The following GPC5 variants were observed in gnomAD, a reference collection of about 807,000 sequenced individuals.
GPC5 encodes the protein glypican-5.
In GPC5, 47 loss-of-function variants were observed where a neutral mutation model predicts 53.9. That is an observed-to-expected ratio of 0.87 (90% confidence interval 0.69 to 1.11). GPC5 has a LOEUF of 1.11. Ranked by LOEUF, GPC5 falls within the 50% of genes most tolerant of loss-of-function variation. The probability of loss-of-function intolerance (pLI) is 0.00; values close to 1 mark genes in which losing one functional copy is unlikely to be tolerated. For synonymous variants in GPC5, 286 were observed against 263.3 expected (o/e 1.09, Z -0.84); for missense variants, 748 against 713.1 (o/e 1.05, Z -0.56).
intron 7 of GPC5, among the ~76,000 whole-genome samples, chr13:92,466,808 A>C (rs1878708746): frequency 1.3e-5 from 2 of 152,116 alleles, no homozygotes; most frequent in South Asian, 4.1e-4. Flanking sequence ...TATGGGGTTA[A>C]TACCGTAAAA....
At chr13:92,123,851 T>A (rs186759867) in intron 6 of GPC5, among the ~76,000 whole-genome samples, 1 of 152,340 alleles carries the variant, frequency 6.6e-6, no homozygotes, top group East Asian at 1.9e-4. Context: ...ATATTCTTAA[T>A]TTTGTATTGA....
At chr13:92,177,910 T>C (rs1272107988) in intron 7 of GPC5, among the ~76,000 whole-genome samples, 1 of 152,182 alleles carries the variant, frequency 6.6e-6, no homozygotes, top group Non-Finnish European at 1.5e-5. Context: ...TAATTAAAGA[T>C]GCCCCAGTAT....
intron 7 of GPC5, among the ~76,000 whole-genome samples, chr13:92,561,479 C>T (rs1882691811): frequency 1.3e-5 from 2 of 151,946 alleles, no homozygotes; most frequent in Non-Finnish European, 2.9e-5. Flanking sequence ...GAACCTTTCT[C>T]CTGAACATGT....
intron 7 of GPC5, among the ~76,000 whole-genome samples, chr13:92,315,153 C>T (rs1463048177): frequency 6.6e-6 from 1 of 152,140 alleles, no homozygotes; most frequent in East Asian, 1.9e-4. Context: ...AATAAAAAGT[C>T]ATTAACTTCT....
intron 6 of GPC5, among the ~76,000 whole-genome samples, chr13:92,027,277 A>G (rs1457215673): frequency 6.6e-6 from 1 of 152,164 alleles, no homozygotes; most frequent in Non-Finnish European, 1.5e-5. Flanking sequence ...AGCTAAAGGG[A>G]AAACTGCCTG....
chr13:92,696,830 G>A (rs1353327381), intron 7 of GPC5, among the ~76,000 whole-genome samples: 1 of 152,050 alleles, frequency 6.6e-6, no homozygotes, highest in African/African-American at 2.4e-5. Flanking sequence ...TATGGTTTTA[G>A]GTCTTATGTT....
At chr13:92,833,879 G>A (rs1406983777) in intron 7 of GPC5, among the ~76,000 whole-genome samples, 4 of 152,140 alleles carry the variant, frequency 2.6e-5, no homozygotes, top group African/African-American at 9.6e-5. Context: ...TAACGTTAGA[G>A]AGAGAGGCAG....
At chr13:92,548,609 A>G (rs1882207005) in intron 7 of GPC5, among the ~76,000 whole-genome samples, 1 of 152,090 alleles carries the variant, frequency 6.6e-6, no homozygotes, top group South Asian at 2.1e-4. Flanking sequence ...TGTGTTGTGT[A>G]CTAAGCCAAA....
chr13:91,892,964 C>T (rs1005816280), intron 5 of GPC5, among the ~76,000 whole-genome samples: 2 of 151,816 alleles, frequency 1.3e-5, no homozygotes, highest in Non-Finnish European at 2.9e-5. Flanking sequence ...TAAAATGAGT[C>T]ATCATTTGAA....
At chr13:91,569,390 C>A (rs1364471360) in intron 2 of GPC5, among the ~76,000 whole-genome samples, 1 of 152,026 alleles carries the variant, frequency 6.6e-6, no homozygotes, top group East Asian at 1.9e-4. Context: ...ATATATGTTT[C>A]TCCTAATTCA....
At chr13:92,798,298 A>G (rs1026886263) in intron 7 of GPC5, among the ~76,000 whole-genome samples, 2 of 151,928 alleles carry the variant, frequency 1.3e-5, no homozygotes, top group African/African-American at 4.8e-5. Context: ...AAGATGATAT[A>G]CACTCAGCAA....
At chr13:92,773,483 C>T (rs946309526) in intron 7 of GPC5, among the ~76,000 whole-genome samples, 4 of 152,116 alleles carry the variant, frequency 2.6e-5, no homozygotes, top group Admixed American at 2.6e-4. Context: ...AGGATTTCTT[C>T]TACTGAGATT....
chr13:92,664,605 C>T (rs1434514889), intron 7 of GPC5, among the ~76,000 whole-genome samples: 2 of 151,998 alleles, frequency 1.3e-5, no homozygotes, highest in Non-Finnish European at 2.9e-5. Context: ...TGTCCAACCT[C>T]AATGATAACT....
intron 7 of GPC5, among the ~76,000 whole-genome samples, chr13:92,435,946 T>C (rs973342093): frequency 1.3e-5 from 2 of 152,174 alleles, no homozygotes; most frequent in African/African-American, 2.4e-5. Flanking sequence ...CAAAAGTACA[T>C]GTAGGAACTA....
chr13:92,520,162 A>T (rs1417194403), intron 7 of GPC5, among the ~76,000 whole-genome samples: 1 of 152,214 alleles, frequency 6.6e-6, no homozygotes, highest in Non-Finnish European at 1.5e-5. Context: ...AAAAAAGTCC[A>T]GAACCAGACA....
At chr13:92,465,938 T>G (rs1878672985) in intron 7 of GPC5, among the ~76,000 whole-genome samples, 1 of 151,706 alleles carries the variant, frequency 6.6e-6, no homozygotes, top group Admixed American at 6.6e-5. Context: ...GAAAGCAGAA[T>G]GGTGGTTACC....
At chr13:92,042,004 G>A (rs2040945408) in intron 6 of GPC5, among the ~76,000 whole-genome samples, 1 of 152,196 alleles carries the variant, frequency 6.6e-6, no homozygotes, top group African/African-American at 2.4e-5. Context: ...GGCACCTGGA[G>A]ATGGGCACCC....
intron 7 of GPC5, among the ~76,000 whole-genome samples, chr13:92,477,903 A>C (rs191790332): frequency 6.6e-6 from 1 of 152,296 alleles, no homozygotes; most frequent in Admixed American, 6.5e-5. Flanking sequence ...CAAAATGCTA[A>C]GTATTCAATG....
At chr13:92,683,950 C>T (rs902270737) in intron 7 of GPC5, among the ~76,000 whole-genome samples, 1 of 152,098 alleles carries the variant, frequency 6.6e-6, no homozygotes, top group Non-Finnish European at 1.5e-5. Context: ...AGGGTTCACT[C>T]TTTATGTTGT....
Sources: allele counts gnomAD v4.1 joint callset (sites outside exome capture counted in the v4.1 genomes callset), GRCh38; gene constraint gnomAD v4.1.1; transcripts MANE v1.5; gene names NCBI Gene and HGNC (gene_info 2026-07-23, HGNC 2026-07-21).